The following RAC1 variants were observed in gnomAD, a reference collection of about 807,000 sequenced individuals.
The protein encoded by RAC1 is ras-related C3 botulinum toxin substrate 1.
RAC1 carries 2 observed loss-of-function variants against 25.2 expected under a neutral mutation model. The ratio of observed to expected loss-of-function variants is 0.08; its 90% CI spans 0.03 to 0.25. RAC1 has a LOEUF of 0.25. Ranked by LOEUF, RAC1 falls within the 10% of genes least tolerant of loss-of-function variation. The probability of loss-of-function intolerance (pLI) is 1.00; values close to 1 mark genes in which losing one functional copy is unlikely to be tolerated. For missense variants in RAC1, 50 were observed against 235.7 expected (o/e 0.21, Z 5.16); for synonymous variants, 88 against 94.0 (o/e 0.94, Z 0.37).
intron 1 of RAC1, among the ~76,000 whole-genome samples, chr7:6,384,583 T>A (rs183627545): frequency 1.9e-3 from 284 of 152,166 alleles, no homozygotes; most frequent in African/African-American, 6.4e-3. Context: ...GCTGAAGGGA[T>A]CCTCTTGCTT....
chr7:6,387,405 A>G, intron 2 of RAC1, 122 bp downstream of exon 2: 1 of 711,432 alleles, frequency 1.4e-6, no homozygotes, highest in East Asian at 2.9e-5. Flanking sequence ...TTTTTCTTAA[A>G]CATTCACTGA....
chr7:6,379,247 G>T (rs1377613856), intron 1 of RAC1, among the ~76,000 whole-genome samples: 1 of 149,084 alleles, frequency 6.7e-6, no homozygotes, highest in Non-Finnish European at 1.5e-5. Flanking sequence ...AACTACACGT[G>T]CCTGCTACCA....
chr7:6,374,795 T>C, intron 1 of RAC1, 25 bp downstream of exon 1: 1 of 1,115,326 alleles, frequency 9.0e-7, no homozygotes, highest in Non-Finnish European at 1.1e-6. Context: ...GGGGCCGGGC[T>C]GGAGGCCGCG....
chr7:6,375,755 C>G (rs1042520037), intron 1 of RAC1: 2 of 151,562 alleles, frequency 1.3e-5, no homozygotes, highest in Non-Finnish European at 2.9e-5. Flanking sequence ...TGTAGCAGAA[C>G]TGGCCCCCTG....
At chr7:6,374,799 G>A in intron 1 of RAC1, 29 bp downstream of exon 1, 6 of 1,113,024 alleles carry the variant, frequency 5.4e-6, no homozygotes, top group Non-Finnish European at 5.5e-6. Flanking sequence ...CCGGGCTGGA[G>A]GCCGCGGGAT....
At chr7:6,394,402 T>C (rs142256917) in intron 3 of RAC1, among the ~76,000 whole-genome samples, 9 of 152,364 alleles carry the variant, frequency 5.9e-5, no homozygotes, top group African/African-American at 2.2e-4. Flanking sequence ...TCAGTTGCTA[T>C]GCACAGAATC....
intron 1 of RAC1, among the ~76,000 whole-genome samples, chr7:6,378,573 T>C (rs1583256809): frequency 6.6e-6 from 1 of 152,070 alleles, no homozygotes; most frequent in Admixed American, 6.6e-5. Flanking sequence ...AAGTCAGAAA[T>C]AATTTGCAAA....
chr7:6,380,614 A>G lies in RAC1; in HGVS notation c.35+5844A>G, dbSNP rs566434945. On this transcript the variant is annotated intron_variant, in intron 1 of 5. Transcript: ENST00000348035. ...TCCTTGAAAGGAGATGTTTTTGTCA[A>G]GAGTCTTTGCCACCAAGGCAGGATT... Among the ~76,000 whole-genome samples the G allele has an allele frequency of 1.7e-3, 261 of 152,334 alleles. 1 individual carries two copies. The highest frequency in any genetic ancestry group is 5.9e-3 in the African/African-American group (246 of 41,582).
At chr7:6,396,047 A>G (rs1160099089) in intron 3 of RAC1, among the ~76,000 whole-genome samples, 1 of 152,144 alleles carries the variant, frequency 6.6e-6, no homozygotes, top group Non-Finnish European at 1.5e-5. Flanking sequence ...GTGGTGTGTG[A>G]TGCAGGAGTA....
At chr7:6,395,167 C>G (rs1017327406) in intron 3 of RAC1, among the ~76,000 whole-genome samples, 1 of 152,120 alleles carries the variant, frequency 6.6e-6, no homozygotes, top group Non-Finnish European at 1.5e-5. Flanking sequence ...GGTTTCTCCA[C>G]TTTGGTCAGG....
chr7:6,376,980 C>T (rs999311277), intron 1 of RAC1, among the ~76,000 whole-genome samples: 1 of 151,924 alleles, frequency 6.6e-6, no homozygotes, highest in Non-Finnish European at 1.5e-5. Context: ...CCCACCCCAC[C>T]GCTTACATGG....
intron 4 of RAC1, 67 bp downstream of exon 4, chr7:6,400,255 A>C (rs1783359236): frequency 1.3e-5 from 18 of 1,417,272 alleles, no homozygotes; most frequent in Non-Finnish European, 1.8e-5. Context: ...ATACTTTAAA[A>C]TATCACTTAG....
chr7:6,386,291 T>G (rs1474143234), intron 1 of RAC1, among the ~76,000 whole-genome samples: 1 of 152,084 alleles, frequency 6.6e-6, no homozygotes, highest in Non-Finnish European at 1.5e-5. Flanking sequence ...GAGGTGGCAT[T>G]TAAATACAGC....
At chr7:6,391,279 C>T (rs1250313293) in intron 2 of RAC1, among the ~76,000 whole-genome samples, 1 of 150,472 alleles carries the variant, frequency 6.6e-6, no homozygotes. Context: ...TCTTCTAAAG[C>T]TTGGTTTCTG....
intron 3 of RAC1, among the ~76,000 whole-genome samples, chr7:6,394,233 C>G (rs1783164743): frequency 6.6e-6 from 1 of 152,190 alleles, no homozygotes; most frequent in Non-Finnish European, 1.5e-5. Flanking sequence ...CGGGCTAAGT[C>G]TGTTCAGACC....
intron 3 of RAC1, among the ~76,000 whole-genome samples, chr7:6,392,991 G>A (rs1372776269): frequency 6.6e-6 from 1 of 152,178 alleles, no homozygotes; most frequent in African/African-American, 2.4e-5. Flanking sequence ...CTCAGTGTGC[G>A]GGTGGGTCGG....
intron 1 of RAC1, among the ~76,000 whole-genome samples, chr7:6,380,043 A>G (rs1384205602): frequency 6.6e-6 from 1 of 152,230 alleles, no homozygotes; most frequent in Non-Finnish European, 1.5e-5. Flanking sequence ...TGTCTAGCCC[A>G]ATGTCTGACT....
intron 3 of RAC1, among the ~76,000 whole-genome samples, chr7:6,396,782 G>A (rs1008636552): frequency 2.0e-5 from 3 of 152,148 alleles, no homozygotes; most frequent in African/African-American, 7.2e-5. Flanking sequence ...TGTAATCCCA[G>A]CACTTTGGGA....
intron 3 of RAC1, among the ~76,000 whole-genome samples, chr7:6,394,946 C>T (rs1783189466): frequency 6.6e-6 from 1 of 152,192 alleles, no homozygotes; most frequent in Non-Finnish European, 1.5e-5. Context: ...GCTTCACCTC[C>T]TGGGTTCACG....
Sources: allele counts gnomAD v4.1 joint callset (sites outside exome capture counted in the v4.1 genomes callset), GRCh38; gene constraint gnomAD v4.1.1; transcripts MANE v1.5; gene names NCBI Gene and HGNC (gene_info 2026-07-23, HGNC 2026-07-21).